The following CUBN variants were observed in gnomAD, a reference collection of about 807,000 sequenced individuals.
CUBN encodes cubilin.
CUBN carries 282 observed loss-of-function variants against 405.3 expected under a neutral mutation model. The observed-to-expected ratio is 0.70, with a 90% confidence interval of 0.63 to 0.77. The LOEUF (loss-of-function observed/expected upper bound fraction) is 0.77. CUBN is among the 30% of genes least tolerant of loss of function. The probability of loss-of-function intolerance (pLI) is 0.00; values close to 1 mark genes in which losing one functional copy is unlikely to be tolerated. For missense variants in CUBN, 4,514 were observed against 4,475.2 expected, an observed-to-expected ratio of 1.01 and a Z score of -0.25; for synonymous variants, 1,684 against 1,617.0, an observed-to-expected ratio of 1.04 and a Z score of -0.99.
intron 51 of CUBN, among the ~76,000 whole-genome samples, chr10:16,902,052 A>G (rs1841403388): frequency 7.5e-6 from 1 of 133,948 alleles, no homozygotes; most frequent in African/African-American, 2.8e-5. Flanking sequence ...TACACACACC[A>G]TATATAGGGT....
chr10:16,962,579 C>T (rs1222472979), intron 31 of CUBN, among the ~76,000 whole-genome samples: 1 of 152,090 alleles, frequency 6.6e-6, no homozygotes, highest in African/African-American at 2.4e-5. Context: ...TAACAGAATA[C>T]AATGGAAGTG....
chr10:17,082,978 TA>T (rs1182549432), intron 17 of CUBN, among the ~76,000 whole-genome samples: 1 of 152,184 alleles, frequency 6.6e-6, no homozygotes, highest in Admixed American at 6.6e-5. Flanking sequence ...TATACTATTT[TA>T]AAGTCTTATA....
chr10:17,114,605 C>G (rs1836846325), intron 7 of CUBN, among the ~76,000 whole-genome samples: 2 of 152,206 alleles, frequency 1.3e-5, no homozygotes, highest in South Asian at 2.1e-4. Context: ...CCATCCCCAT[C>G]ATTGGACGGG....
In CUBN at chr10:17,093,300, G is replaced by A. The variant is rs142947129; in HGVS notation, c.1766-4955C>T. Among the ~76,000 whole-genome samples, 816 of 152,272 alleles carry A rather than the reference G, an allele frequency of 5.4e-3. 22 individuals carry two copies. Among genetic ancestry groups the A allele is most frequent in the East Asian group, 0.022 (116 of 5,184 alleles). On this transcript the variant is annotated intron_variant, in intron 14 of 66. Coordinates refer to ENST00000377833, the MANE Select transcript of CUBN (RefSeq NM_001081.4). ...TAACTAACAGAGAACAGTTTCGGAG[G>A]GGAGGGAAGTTGCTAAGAATTGAAG...
At chr10:16,928,788 C>A (rs1275724001) in intron 40 of CUBN, among the ~76,000 whole-genome samples, 1 of 152,012 alleles carries the variant, frequency 6.6e-6, no homozygotes, top group Non-Finnish European at 1.5e-5. Context: ...TCCTCAGCCT[C>A]CCAAAGTGCT....
intron 28 of CUBN, among the ~76,000 whole-genome samples, chr10:16,999,998 T>C (rs1435341107): frequency 6.6e-6 from 1 of 152,234 alleles, no homozygotes; most frequent in East Asian, 1.9e-4. Flanking sequence ...TGTCCAAATC[T>C]GAGCCTCAAG....
In CUBN at chr10:16,869,751, G is replaced by T. The variant is rs758802682; in HGVS notation, c.9339C>A (p.Cys3113Ter). The stretch of plus-strand genomic sequence containing the variant: ...TCACATTTGGTGGGCGCTTGGAACC[G>T]CAGAATTTGCCAAGAAGGGGATCGC... ...NTSDPLLGKF[C>*]GSKRPPNVKS... The change falls in exon 59 of 67, where the codon TGC becomes TGA. Residue 3113 changes from cysteine (C) to a stop codon, truncating the protein, a stop_gained. Transcript: ENST00000377833. LOFTEE classifies it high-confidence loss of function. The T allele has an allele frequency of 2.5e-6, 4 of 1,613,798 alleles. No homozygotes were observed. The Admixed American group carries it at 5.0e-5, about 20-fold the overall frequency.
intron 27 of CUBN, among the ~76,000 whole-genome samples, chr10:17,039,155 G>A (rs746811029): frequency 3.5e-4 from 53 of 152,118 alleles, no homozygotes; most frequent in Non-Finnish European, 6.5e-4. Flanking sequence ...TCTCCATTAC[G>A]CTTTACCAAA....
At chr10:16,865,205 A>G (rs1177947179) in intron 59 of CUBN, among the ~76,000 whole-genome samples, 2 of 148,070 alleles carry the variant, frequency 1.4e-5, no homozygotes, top group Non-Finnish European at 3.0e-5. Context: ...CCTGACCTCA[A>G]GTGATCTGCC....
intron 28 of CUBN, among the ~76,000 whole-genome samples, chr10:17,012,323 C>T (rs1834208258): frequency 6.6e-6 from 1 of 152,198 alleles, no homozygotes; most frequent in South Asian, 2.1e-4. Flanking sequence ...TGTCTGATAT[C>T]AGAAGCTTTT....
intron 29 of CUBN, among the ~76,000 whole-genome samples, chr10:16,986,083 C>G (rs373699319): frequency 2.0e-5 from 3 of 152,206 alleles, no homozygotes; most frequent in African/African-American, 7.2e-5. Context: ...ATGCTGACTC[C>G]TCATCTTCAG....
chr10:16,977,795 C>T (rs1174638744), intron 31 of CUBN, among the ~76,000 whole-genome samples: 1 of 152,166 alleles, frequency 6.6e-6, no homozygotes, highest in African/African-American at 2.4e-5. Context: ...GCACTCTCCC[C>T]GGCTCCTGCA....
intron 14 of CUBN, among the ~76,000 whole-genome samples, chr10:17,099,182 G>C (rs1361448450): frequency 6.6e-6 from 1 of 152,144 alleles, no homozygotes; most frequent in Non-Finnish European, 1.5e-5. Context: ...AAAAAGATGA[G>C]AAAATGCTGA....
intron 27 of CUBN, among the ~76,000 whole-genome samples, chr10:17,039,351 G>A (rs1313863601): frequency 6.6e-6 from 1 of 152,134 alleles, no homozygotes; most frequent in Non-Finnish European, 1.5e-5. Flanking sequence ...ACTAAAATAT[G>A]GCTGTGATAT....
chr10:16,903,853 A>C, intron 51 of CUBN, 113 bp downstream of exon 51: 1 of 671,458 alleles, frequency 1.5e-6, no homozygotes, highest in South Asian at 3.6e-5. Flanking sequence ...TAATATTAAC[A>C]AAACTAATAG....
chr10:16,949,146 A>G (rs994577665), intron 34 of CUBN, among the ~76,000 whole-genome samples: 2 of 152,246 alleles, frequency 1.3e-5, no homozygotes, highest in African/African-American at 4.8e-5. Flanking sequence ...TTTATAACAT[A>G]CTGAGAACAG....
chr10:17,105,085 G>A (rs12241080), intron 11 of CUBN, among the ~76,000 whole-genome samples: 1 of 152,078 alleles, frequency 6.6e-6, no homozygotes, highest in East Asian at 1.9e-4. Flanking sequence ...ACAGGCATGA[G>A]CCACCACGCC....
At chr10:16,949,454 TGTGTGTGTGTA>T (rs746241995) in intron 34 of CUBN, among the ~76,000 whole-genome samples, 172 of 72,698 alleles carry the variant, frequency 2.4e-3, no homozygotes, top group Non-Finnish European at 4.8e-3. Flanking sequence ...TGTGTGTGTG[TGTGTGTGTGTA>T]GTGTGTGTGT....
intron 15 of CUBN, among the ~76,000 whole-genome samples, chr10:17,085,965 A>ATTTT (rs11284543): frequency 4.5e-5 from 6 of 132,622 alleles, no homozygotes; most frequent in African/African-American, 1.8e-4. Context: ...CTCTGTCTGA[A>ATTTT]TTTTTTTTTT....
Sources: gnomAD v4.1 joint callset for allele counts (sites outside exome capture counted in the v4.1 genomes callset) on GRCh38, gnomAD v4.1.1 for gene constraint, MANE v1.5 for transcripts, NCBI Gene and HGNC (gene_info 2026-07-23, HGNC 2026-07-21) for gene names.